Variants in RSBN1 observed in about 807,000 individuals in gnomAD.
The protein encoded by RSBN1 is lysine-specific demethylase 9.
A neutral mutation model predicts 74.8 loss-of-function variants in RSBN1; 23 were observed. The ratio of observed to expected loss-of-function variants is 0.31; its 90% confidence interval spans 0.22 to 0.44. The LOEUF (loss-of-function observed/expected upper bound fraction) is 0.44. Among genes scored for constraint, RSBN1 ranks in the 20% least tolerant of loss-of-function variants. The probability of loss-of-function intolerance (pLI) is 1.00; values close to 1 mark genes in which losing one functional copy is unlikely to be tolerated. For missense variants in RSBN1, 808 were observed against 1,020.9 expected (o/e 0.79, Z 2.84); for synonymous variants, 407 against 379.6 (o/e 1.07, Z -0.84).
chr1:113,786,064 A>T (rs1052168060), intron 2 of RSBN1, among the ~76,000 whole-genome samples: 1 of 152,236 alleles, frequency 6.6e-6, no homozygotes, highest in Admixed American at 6.5e-5. Flanking sequence ...ATGTTAGGCT[A>T]AGCTAATAAC....
chr1:113,803,969 G>A (rs185525656), intron 1 of RSBN1, among the ~76,000 whole-genome samples: 1 of 151,744 alleles, frequency 6.6e-6, no homozygotes, highest in East Asian at 1.9e-4. Flanking sequence ...AAGTTAGCTG[G>A]GCTTGGCGGT....
chr1:113,765,926 T>C lies in RSBN1; in HGVS notation c.*54A>G. 1.5e-6 allele frequency: 2 copies of C among 1,370,310 alleles called. No individual in the cohort carries two copies. Among genetic ancestry groups the C allele is most frequent in the Non-Finnish European group, 2.0e-6 (2 of 994,260 alleles). The allele number at this position is 1,370,310 out of a possible 1,614,324, so 84.9% of individuals were successfully genotyped here. On this transcript the variant is annotated 3_prime_UTR_variant, in exon 7 of 7. Coordinates refer to ENST00000261441, the MANE Select transcript of RSBN1 (RefSeq NM_018364.5). ...TTAACTTAAGCCAGTTATAAAACTA[T>C]AACTTCACATCAAAATTTAAAAAAG... is the stretch of plus-strand genomic sequence containing the variant.
intron 2 of RSBN1, among the ~76,000 whole-genome samples, chr1:113,791,752 CATTTT>C (rs138810293): frequency 0.023 from 3,508 of 152,006 alleles, 134 homozygotes; most frequent in African/African-American, 0.079. Context: ...TTATTTATGC[CATTTT>C]ATTTTATAAA....
chr1:113,766,165 C>T lies in RSBN1; in HGVS notation c.2224G>A (p.Glu742Lys). The T allele has an allele frequency of 6.2e-7, 1 of 1,614,092 alleles. No homozygotes were observed. The highest frequency in any genetic ancestry group is 1.1e-5 in the South Asian group (1 of 91,082). Residue 742 changes from glutamate (E) to lysine (K), a missense_variant, in exon 7 of 7, where the codon GAA (glutamate) becomes AAA (lysine). Physicochemically the swap from Glu to Lys is moderately conservative, Grantham distance 56. Transcript: ENST00000261441. The part of the protein sequence containing the change: ...VDSQCVRIKT[E>K]SEEACTEIQL... ...ATCTCTGTGCATGCTTCTTCAGATT[C>T]AGTTTTTATCCTCACACATTGGGAG...
intron 2 of RSBN1, among the ~76,000 whole-genome samples, chr1:113,791,819 C>A (rs1339345979): frequency 6.6e-6 from 1 of 152,112 alleles, no homozygotes; most frequent in Non-Finnish European, 1.5e-5. Context: ...ACTAATAATG[C>A]ATACAGTTCC....
intron 2 of RSBN1, among the ~76,000 whole-genome samples, chr1:113,795,646 T>G (rs1020018989): frequency 6.6e-6 from 1 of 152,220 alleles, no homozygotes; most frequent in Non-Finnish European, 1.5e-5. Context: ...TAATCTGAAA[T>G]GTTCTTAAAA....
chr1:113,785,218 A>G (rs976973210), intron 2 of RSBN1, among the ~76,000 whole-genome samples: 2 of 152,186 alleles, frequency 1.3e-5, no homozygotes, highest in East Asian at 1.9e-4. Context: ...GGAATGATTA[A>G]TATCACTGTC....
chr1:113,792,700 A>G (rs1261211265), intron 2 of RSBN1, among the ~76,000 whole-genome samples: 1 of 152,174 alleles, frequency 6.6e-6, no homozygotes, highest in Non-Finnish European at 1.5e-5. Context: ...AAGAAACAGT[A>G]GAAAGACTAC....
chr1:113,774,749 G>A (rs1480903703), intron 4 of RSBN1, among the ~76,000 whole-genome samples: 3 of 151,938 alleles, frequency 2.0e-5, no homozygotes, highest in Admixed American at 6.6e-5. Flanking sequence ...CCAGATACTT[G>A]GTGGGGCTGA....
At chr1:113,793,696 T>C (rs1424728349) in intron 2 of RSBN1, among the ~76,000 whole-genome samples, 1 of 152,130 alleles carries the variant, frequency 6.6e-6, no homozygotes, top group Non-Finnish European at 1.5e-5. Flanking sequence ...TTTTTCTTTT[T>C]TTCTTTATTG....
At chr1:113,774,124 G>T (rs769829555) in intron 4 of RSBN1, among the ~76,000 whole-genome samples, 3 of 152,164 alleles carry the variant, frequency 2.0e-5, no homozygotes, top group Non-Finnish European at 4.4e-5. Flanking sequence ...TGAGGGTCAG[G>T]GGAGGTGGCT....
In RSBN1 at chr1:113,812,149, C is replaced by T; in HGVS notation, c.264G>A (p.Gln88=). The T allele has an allele frequency of 6.2e-7, 1 of 1,609,992 alleles. No individual in the cohort carries two copies. The highest frequency in any genetic ancestry group is 8.5e-7 in the Non-Finnish European group (1 of 1,179,844). The change falls in exon 1 of 7, where the codon CAG becomes CAA. Residue 88 remains glutamine, a synonymous_variant. Coordinates refer to ENST00000261441, the MANE Select transcript of RSBN1 (RefSeq NM_018364.5). Reference sequence around the variant, plus strand: ...GAGACCCCCCACTGCTAGATCGGCGCTGCCGTTTAACTCCCCGCGGGGAGA... The same window carrying T: ...GAGACCCCCCACTGCTAGATCGGCGTTGCCGTTTAACTCCCCGCGGGGAGA... ...AGVSPRGVKR[Q]RRSSSGGSQE... is the part of the protein sequence containing the mutation.
At chr1:113,773,397 G>A (rs574254954) in intron 4 of RSBN1, among the ~76,000 whole-genome samples, 25 of 152,302 alleles carry the variant, frequency 1.6e-4, no homozygotes, top group African/African-American at 5.8e-4. Flanking sequence ...GGTGGTGCAC[G>A]CCAGTAATCC....
At position 113,798,005 on chromosome 1, in the gene RSBN1, T is replaced by C; in HGVS notation, c.735A>G (p.Arg245=). Residue 245 remains arginine (R), a synonymous_variant, in exon 2 of 7, where the codon AGA becomes AGG. Transcript: ENST00000261441. ...ETPDENGKTQ[R]ADDFVLKKIK... ...TTTTCTTCAAGACAAAATCATCGGC[T>C]CTCTGGGTTTTACCATTTTCATCTG... is the stretch of plus-strand genomic sequence containing the variant. 6.2e-7 allele frequency: 1 copy of C among 1,608,326 alleles called. No individual in the cohort carries two copies. Among genetic ancestry groups the C allele is most frequent in the Non-Finnish European group, 8.5e-7 (1 of 1,178,510 alleles).
At chr1:113,790,732 A>C (rs1660348056) in intron 2 of RSBN1, among the ~76,000 whole-genome samples, 1 of 152,200 alleles carries the variant, frequency 6.6e-6, no homozygotes, top group African/African-American at 2.4e-5. Flanking sequence ...TGAAATTCTA[A>C]AAAGATGCTA....
At chr1:113,798,508 T>C (rs767639253) in intron 1 of RSBN1, among the ~76,000 whole-genome samples, 1 of 152,170 alleles carries the variant, frequency 6.6e-6, no homozygotes, top group Non-Finnish European at 1.5e-5. Flanking sequence ...AAAGGCAAAG[T>C]AAGCCATGAG....
chr1:113,798,734 T>C (rs1427799896), intron 1 of RSBN1, among the ~76,000 whole-genome samples: 1 of 152,192 alleles, frequency 6.6e-6, no homozygotes. Context: ...AAGATATCCA[T>C]TACAGTATTA....
intron 2 of RSBN1, among the ~76,000 whole-genome samples, chr1:113,784,146 A>G (rs1660193887): frequency 1.3e-5 from 2 of 152,156 alleles, no homozygotes; most frequent in African/African-American, 4.8e-5. Context: ...GAAAAGATTA[A>G]AGGAGGGACA....
At chr1:113,809,505 C>G (rs921684394) in intron 1 of RSBN1, among the ~76,000 whole-genome samples, 2 of 152,144 alleles carry the variant, frequency 1.3e-5, no homozygotes, top group Admixed American at 1.3e-4. Flanking sequence ...CAAAGTTAAA[C>G]CAGTTTATTT....
Sources: gnomAD v4.1 joint callset for allele counts (sites outside exome capture counted in the v4.1 genomes callset) on GRCh38, gnomAD v4.1.1 for gene constraint, MANE v1.5 for transcripts, NCBI Gene and HGNC (gene_info 2026-07-23, HGNC 2026-07-21) for gene names.